OTUD7A: variants seen among roughly 807,000 people sequenced by gnomAD.
The protein encoded by OTUD7A is OTU domain-containing protein 7A.
OTUD7A carries 12 observed loss-of-function variants against 65.7 expected under a neutral mutation model. That is an observed-to-expected ratio of 0.18 (90% CI 0.12 to 0.30). The LOEUF is 0.30. Among genes scored for constraint, OTUD7A ranks in the 10% least tolerant of loss-of-function variants. The pLI is 1.00. For missense variants in OTUD7A, 1,148 were observed against 1,304.8 expected (o/e 0.88, Z 1.85); for synonymous variants, 641 against 586.3 (o/e 1.09, Z -1.35).
intron 4 of OTUD7A, among the ~76,000 whole-genome samples, chr15:31,564,731 A>T (rs1034215247): frequency 2.6e-5 from 4 of 152,148 alleles, no homozygotes; most frequent in African/African-American, 9.6e-5. Context: ...ACCACTCAAA[A>T]GACAGAGATT....
rs2041166177 is a variant in OTUD7A, at chr15:31,483,396, C to T, written c.2700G>A (p.Glu900=). 1 of 1,346,886 alleles carries T rather than the reference C, an allele frequency of 7.4e-7. No individual in the cohort carries two copies. Among genetic ancestry groups the T allele is most frequent in the Non-Finnish European group, 9.5e-7 (1 of 1,047,878 alleles). The allele number at this position is 1,346,886 out of a possible 1,614,324, so 83.4% of individuals were successfully genotyped here. A position where few individuals can be genotyped will look rare whatever the true frequency, so the allele number is the denominator to read the frequency against. ...PGPVQRRCQR[E]NCAFYGRAET... is the part of the protein sequence containing the mutation. ...CGGCGCGCCCGTAGAACGCACAGTT[C>T]TCGCGCTGGCAGCGCCGCTGCACCG... is the stretch of plus-strand genomic sequence containing the variant. The change falls in exon 13 of 13, where the codon GAG becomes GAA. Residue 900 remains glutamate, a synonymous_variant. Coordinates refer to ENST00000307050, the MANE Select transcript of OTUD7A (RefSeq NM_001382637.1).
chr15:31,558,779 C>T, intron 5 of OTUD7A, 190 bp downstream of exon 5: 1 of 639,624 alleles, frequency 1.6e-6, no homozygotes, highest in Non-Finnish European at 2.7e-6. Flanking sequence ...TCGGCCCCTC[C>T]ATCCAGCCCA....
chr15:31,593,583 T>A (rs1399314939), intron 3 of OTUD7A, among the ~76,000 whole-genome samples: 1 of 152,112 alleles, frequency 6.6e-6, no homozygotes, highest in African/African-American at 2.4e-5. Flanking sequence ...CTGCAGTGAA[T>A]GGGTCCACCA....
At chr15:31,825,094 T>G (rs1156377991) in intron 1 of OTUD7A, among the ~76,000 whole-genome samples, 1 of 152,234 alleles carries the variant, frequency 6.6e-6, no homozygotes, top group Non-Finnish European at 1.5e-5. Flanking sequence ...CCTACCTATG[T>G]TCCTAACCTT....
chr15:31,746,668 G>C (rs1171061268), intron 1 of OTUD7A, among the ~76,000 whole-genome samples: 1 of 151,922 alleles, frequency 6.6e-6, no homozygotes, highest in East Asian at 1.9e-4. Flanking sequence ...GGCTAATTTT[G>C]TATTTTTAGT....
intron 1 of OTUD7A, among the ~76,000 whole-genome samples, chr15:31,788,898 C>T (rs1362288250): frequency 2.0e-5 from 3 of 152,132 alleles, no homozygotes. Context: ...GTTCATTTTG[C>T]ATATGAACAG....
At chr15:31,813,954 C>T (rs962741304) in intron 1 of OTUD7A, among the ~76,000 whole-genome samples, 13 of 152,132 alleles carry the variant, frequency 8.5e-5, no homozygotes, top group Admixed American at 6.6e-4. Flanking sequence ...TACTGTAATG[C>T]CTTAATTCTA....
chr15:31,825,796 C>A (rs1192258780), intron 1 of OTUD7A, among the ~76,000 whole-genome samples: 1 of 152,212 alleles, frequency 6.6e-6, no homozygotes, highest in African/African-American at 2.4e-5. Flanking sequence ...TGGGTAAATA[C>A]TACTGTTCCA....
intron 1 of OTUD7A, among the ~76,000 whole-genome samples, chr15:31,731,739 G>C (rs942045737): frequency 6.6e-6 from 1 of 152,178 alleles, no homozygotes; most frequent in African/African-American, 2.4e-5. Flanking sequence ...TTCATCAGTT[G>C]TAACAACTGG....
intron 1 of OTUD7A, among the ~76,000 whole-genome samples, chr15:31,795,814 CT>C (rs919108696): frequency 3.9e-5 from 6 of 152,164 alleles, no homozygotes; most frequent in African/African-American, 1.4e-4. Context: ...TCAGTTTCCT[CT>C]TTGTAAAGTG....
intron 1 of OTUD7A, among the ~76,000 whole-genome samples, chr15:31,791,981 T>G (rs1350615489): frequency 6.6e-6 from 1 of 152,190 alleles, no homozygotes; most frequent in African/African-American, 2.4e-5. Context: ...CCACTTCACA[T>G]GCCTACTCAC....
chr15:31,715,608 T>C (rs976822360), intron 1 of OTUD7A, among the ~76,000 whole-genome samples: 3 of 146,628 alleles, frequency 2.0e-5, no homozygotes, highest in Admixed American at 6.9e-5. Flanking sequence ...CAGCCAGTCA[T>C]ATATGCCATT....
At chr15:31,868,943 G>C (rs1353650048) in intron 1 of OTUD7A, among the ~76,000 whole-genome samples, 1 of 152,126 alleles carries the variant, frequency 6.6e-6, no homozygotes, top group African/African-American at 2.4e-5. Flanking sequence ...ATTCCTTACA[G>C]ATCCAATAAA....
At chr15:31,840,800 A>C (rs1017038263) in intron 1 of OTUD7A, among the ~76,000 whole-genome samples, 8 of 152,194 alleles carry the variant, frequency 5.3e-5, no homozygotes, top group African/African-American at 1.9e-4. Context: ...GAGTTTCCTA[A>C]AATAACTTTA....
chr15:31,576,757 T>C (rs1393264384), intron 3 of OTUD7A, among the ~76,000 whole-genome samples: 1 of 152,158 alleles, frequency 6.6e-6, no homozygotes, highest in Non-Finnish European at 1.5e-5. Flanking sequence ...GTGGAAAACT[T>C]AGAATATTCC....
chr15:31,559,009 G>A lies in OTUD7A; in HGVS notation c.510C>T (p.Asp170=). 6.2e-7 allele frequency: 1 copy of A among 1,614,216 alleles called. No individual in the cohort carries two copies. Among genetic ancestry groups the A allele is most frequent in the Non-Finnish European group, 8.5e-7 (1 of 1,180,042 alleles). The change falls in exon 5 of 13, where the codon GAC becomes GAT. Residue 170 remains aspartate, a synonymous_variant. Coordinates refer to ENST00000307050, the MANE Select transcript of OTUD7A (RefSeq NM_001382637.1). ...CCACCATTGTTGCCTGCTCGATCAA[G>A]TCCCGCTCGATGAAGCTCCTGAAAT... ...SEDFRSFIER[D]LIEQATMVAL...
At chr15:31,619,479 T>C (rs1890706502) in intron 3 of OTUD7A, among the ~76,000 whole-genome samples, 1 of 152,162 alleles carries the variant, frequency 6.6e-6, no homozygotes, top group Non-Finnish European at 1.5e-5. Flanking sequence ...CCTGAAGAGG[T>C]CCTTCACATC....
chr15:31,505,770 G>A (rs1291440285), intron 8 of OTUD7A, among the ~76,000 whole-genome samples: 2 of 148,712 alleles, frequency 1.3e-5, no homozygotes, highest in African/African-American at 4.9e-5. Flanking sequence ...TTTTTTTTGA[G>A]GTGGAGTCTC....
intron 1 of OTUD7A, among the ~76,000 whole-genome samples, chr15:31,863,254 G>T (rs1344452878): frequency 6.6e-6 from 1 of 152,166 alleles, no homozygotes; most frequent in Non-Finnish European, 1.5e-5. Flanking sequence ...AGTGTTGGTG[G>T]ATCTCCATTC....
Sources: allele counts gnomAD v4.1 joint callset (sites outside exome capture counted in the v4.1 genomes callset), GRCh38; gene constraint gnomAD v4.1.1; transcripts MANE v1.5; gene names NCBI Gene and HGNC (gene_info 2026-07-23, HGNC 2026-07-21).